Variants in MTCL1 observed in about 807,000 individuals in gnomAD.
MTCL1 encodes microtubule cross-linking factor 1.
Under a neutral mutation model 141.4 loss-of-function variants are expected in MTCL1, and 79 were observed. The ratio of observed to expected loss-of-function variants is 0.56; its 90% CI spans 0.47 to 0.67. MTCL1 has a LOEUF of 0.67. Among genes scored for constraint, MTCL1 ranks in the 30% least tolerant of loss-of-function variants. MTCL1 has a pLI of 0.00. For missense variants in MTCL1, 2,177 were observed against 2,113.9 expected (o/e 1.03, Z -0.59); for synonymous variants, 914 against 875.8 (o/e 1.04, Z -0.77).
intron 4 of MTCL1, among the ~76,000 whole-genome samples, chr18:8,756,543 G>GTATATATATGTATATATATATA (rs1555641161): frequency 5.5e-5 from 8 of 144,846 alleles, no homozygotes; most frequent in African/African-American, 2.3e-4. Flanking sequence ...GTATATATGT[G>GTATATATATGTATATATATATA]TATATATATG....
At chr18:8,784,473 T>G in exon 6 of MTCL1, 1 of 1,559,220 alleles carries the variant, frequency 6.4e-7, no homozygotes, top group Non-Finnish European at 8.7e-7. Flanking sequence ...TCTGAGTACC[T>G]AGTGACCCTA....
At chr18:8,746,720 AG>A (rs777046584) in intron 4 of MTCL1, among the ~76,000 whole-genome samples, 9 of 152,082 alleles carry the variant, frequency 5.9e-5, no homozygotes. Flanking sequence ...TGCAGGAGAG[AG>A]GGGGTCTCCA....
At chr18:8,733,542 A>G (rs1266476426) in intron 4 of MTCL1, among the ~76,000 whole-genome samples, 2 of 152,072 alleles carry the variant, frequency 1.3e-5, no homozygotes, top group South Asian at 2.1e-4. Flanking sequence ...GGTAGCTGAG[A>G]TTACAGATGC....
At chr18:8,785,163 C>T (rs182798303) in intron 6 of MTCL1, among the ~76,000 whole-genome samples, 6 of 152,262 alleles carry the variant, frequency 3.9e-5, no homozygotes, top group African/African-American at 1.4e-4. Flanking sequence ...GGGCTCGACG[C>T]ATGCCGGCCT....
chr18:8,806,893 G>A, exon 11 of MTCL1: 1 of 1,612,818 alleles, frequency 6.2e-7, no homozygotes, highest in Non-Finnish European at 8.5e-7. Context: ...GTTCCCGCAG[G>A]TGGTGGAAAA....
chr18:8,790,256 A>G lies in MTCL1; in HGVS notation c.1888-2742A>G, dbSNP rs148918520. 2.8e-3 allele frequency among the ~76,000 whole-genome samples: 428 copies of G among 152,348 alleles called. 1 individual carries two copies. The highest frequency in any genetic ancestry group is 9.8e-3 in the African/African-American group (409 of 41,582). On this transcript the variant is annotated intron_variant, in intron 7 of 16. Coordinates refer to ENST00000359865, the Ensembl canonical transcript of MTCL1. ...AGATAAAAATGGCTTCTTAACATAT[A>G]TATTATTTATTAAAATTAAAACCAA...
At chr18:8,811,944 G>C (rs1350428001) in intron 11 of MTCL1, among the ~76,000 whole-genome samples, 2 of 152,178 alleles carry the variant, frequency 1.3e-5, no homozygotes, top group African/African-American at 4.8e-5. Context: ...TATAATATAC[G>C]TATTTAATTA....
intron 7 of MTCL1, among the ~76,000 whole-genome samples, chr18:8,788,754 A>T (rs539473058): frequency 6.6e-6 from 1 of 152,352 alleles, no homozygotes; most frequent in Admixed American, 6.5e-5. Context: ...GCATTCTTAT[A>T]AACAGCCACA....
At position 8,774,254 on chromosome 18, in the gene MTCL1, A is replaced by ATGTGTGTG. The variant is rs138724389; in HGVS notation, c.358-3565_358-3558dup. Reference sequence around the variant, plus strand: ...AAACACATACACACACTCTTTTCGAATGTGTGTGTGTGTGTGTGTGTATTT... The same window carrying ATGTGTGTG: ...AAACACATACACACACTCTTTTCGAATGTGTGTGTGTGTGTGTGTGTGTGTGTGTATTT... On this transcript the variant is annotated intron_variant, in intron 4 of 16. Transcript: ENST00000359865. 8.7e-3 allele frequency among the ~76,000 whole-genome samples: 1,313 copies of ATGTGTGTG among 150,120 alleles called. 25 individuals are homozygous for ATGTGTGTG. The highest frequency in any genetic ancestry group is 0.057 in the East Asian group (287 of 5,076).
chr18:8,814,418 T>C (rs1437781505), intron 12 of MTCL1, among the ~76,000 whole-genome samples: 1 of 152,196 alleles, frequency 6.6e-6, no homozygotes, highest in East Asian at 1.9e-4. Context: ...CTTACACAAA[T>C]GAGTCACCTT....
rs1227738931 is a variant in MTCL1 at position 8,711,030 on chromosome 18, C to A, written c.1053+4317C>A. Among the ~76,000 whole-genome samples, 6 of 151,066 alleles carry A rather than the reference C, an allele frequency of 4.0e-5. No individual in the cohort carries two copies. In the East Asian group the frequency reaches 1.2e-3, roughly 29 times the overall value. On this transcript the variant is annotated intron_variant, in intron 1 of 13. Transcript: ENST00000306329. ...CATTAGGTATATCTCCCAATGCTAT[C>A]CCTCCCCACTCCCCCTACTCCTCGA...
At chr18:8,824,879 C>T in exon 15 of MTCL1, 1 of 1,614,028 alleles carries the variant, frequency 6.2e-7, no homozygotes, top group Non-Finnish European at 8.5e-7. Flanking sequence ...CCAACAGGGG[C>T]CACAATGGTG....
Position 8,824,900 on chromosome 18 carries a change from C to T in MTCL1, c.3390C>T (p.Asp1130=), listed in dbSNP as rs140677462. The T allele has an allele frequency of 3.2e-4, 511 of 1,613,744 alleles. 1 individual carries two copies. The highest frequency in any genetic ancestry group is 4.1e-4 in the Non-Finnish European group (489 of 1,180,028). ...GGGGCCACAATGGTGGGGGGCCGGA[C>T]CTTTGGGCCGACAGGACCGAGGTGG... The change falls in exon 15 of 17, where the codon GAC becomes GAT. Residue 1130 remains aspartate, a synonymous_variant. Coordinates refer to ENST00000359865, the Ensembl canonical transcript of MTCL1.
At chr18:8,808,328 T>C (rs1238454105) in intron 11 of MTCL1, among the ~76,000 whole-genome samples, 3 of 152,214 alleles carry the variant, frequency 2.0e-5, no homozygotes, top group Non-Finnish European at 1.5e-5. Context: ...GGGAGTTAAG[T>C]GTTTCCAAAG....
intron 4 of MTCL1, among the ~76,000 whole-genome samples, chr18:8,746,687 TC>T (rs533299694): frequency 1.5e-3 from 222 of 152,242 alleles, no homozygotes; most frequent in African/African-American, 5.2e-3. Context: ...CCTGCACTGC[TC>T]CCCATCTCCT....
At chr18:8,735,657 T>A (rs767807711) in intron 4 of MTCL1, among the ~76,000 whole-genome samples, 2 of 151,792 alleles carry the variant, frequency 1.3e-5, no homozygotes, top group Non-Finnish European at 2.9e-5. Flanking sequence ...GGCATGGAGG[T>A]AGGGGTGGAA....
chr18:8,744,151 AGAGCT>A (rs2096321450), intron 4 of MTCL1, among the ~76,000 whole-genome samples: 2 of 152,366 alleles, frequency 1.3e-5, no homozygotes, highest in South Asian at 4.1e-4. Flanking sequence ...CAAATGACAG[AGAGCT>A]GAGTCTCACA....
At chr18:8,766,173 C>A (rs986505430) in intron 4 of MTCL1, among the ~76,000 whole-genome samples, 74 of 152,230 alleles carry the variant, frequency 4.9e-4, no homozygotes, top group African/African-American at 1.6e-3. Context: ...AAGCACGCAG[C>A]GGATGCTGCA....
chr18:8,705,585 A>ACGCAGCCGCCGC, upstream of MTCL1: 1 of 1,137,516 alleles, frequency 8.8e-7, no homozygotes, highest in Non-Finnish European at 1.1e-6. The surrounding 1 kb of genome is among the most constrained non-coding windows in gnomAD (Gnocchi z 5.2). Flanking sequence ...GGGAGGCTGC[A>ACGCAGCCGCCGC]CGCCGCCGCC....
Sources: gnomAD v4.1 joint callset for allele counts (sites outside exome capture counted in the v4.1 genomes callset) on GRCh38, gnomAD v4.1.1 for gene constraint, Gnocchi (gnomAD v3.1) non-coding constraint, MANE v1.5 for transcripts, NCBI Gene and HGNC (gene_info 2026-07-23, HGNC 2026-07-21) for gene names.